Variants in WNT7B observed in about 807,000 individuals in gnomAD.
The protein encoded by WNT7B is protein Wnt-7b.
Under a neutral mutation model 38.2 loss-of-function variants are expected in WNT7B, and 19 were observed. The observed-to-expected ratio is 0.50, with a 90% CI of 0.35 to 0.73. The LOEUF (loss-of-function observed/expected upper bound fraction) is 0.73, where lower values mean the gene tolerates loss of function less well. Among genes scored for constraint, WNT7B ranks in the 30% least tolerant of loss-of-function variants. WNT7B has a pLI of 0.01. For synonymous variants in WNT7B, 243 were observed against 209.3 expected (o/e 1.16, Z -1.39); for missense variants, 423 against 507.9 (o/e 0.83, Z 1.61).
At position 45,975,559 on chromosome 22, in the gene WNT7B, G is replaced by C; in HGVS notation, c.71+1125C>G. ...AGTTTCTCCACCTGTAAAATGGCGG[G>C]GCAGACATGGGATGGAGGGTGATGG... On this transcript the variant is annotated intron_variant, in intron 1 of 3. Transcript: ENST00000339464. The surrounding 1 kb of genome is among the most constrained non-coding windows in gnomAD (Gnocchi z 6.6). The C allele has an allele frequency of 2.8e-6, 2 of 717,072 alleles. No individual in the cohort carries two copies. Among genetic ancestry groups the C allele is most frequent in the Non-Finnish European group, 5.2e-6 (2 of 384,844 alleles). The allele number at this position is 717,072 out of a possible 1,614,324, so 44.4% of individuals were successfully genotyped here. A position where few individuals can be genotyped will look rare whatever the true frequency, so the allele number is the denominator to read the frequency against.
At position 45,977,134 on chromosome 22, in the gene WNT7B, C is replaced by T; in HGVS notation, c.-380G>A. On this transcript the variant is annotated 5_prime_UTR_variant, in exon 1 of 4. Coordinates refer to ENST00000339464, the MANE Select transcript of WNT7B (RefSeq NM_058238.3). ...CCGAGCGCCGCGGCGGCCAATGTGT[C>T]CGCACTTGTCGGCCGCCCCAGGTGA... 1.8e-6 allele frequency: 1 copy of T among 567,882 alleles called. No homozygotes were observed. 35.2% of individuals were successfully genotyped at this position (567,882 alleles called of 1,614,324 possible).
At chr22:45,968,209 A>T (rs890723874) in intron 1 of WNT7B, among the ~76,000 whole-genome samples, 8 of 151,868 alleles carry the variant, frequency 5.3e-5, no homozygotes, top group South Asian at 2.1e-4. Flanking sequence ...TCTGAGAGTC[A>T]TCTCCTCTGG....
At chr22:45,953,639 C>T (rs181416755) in intron 1 of WNT7B, among the ~76,000 whole-genome samples, 52 of 151,470 alleles carry the variant, frequency 3.4e-4, no homozygotes, top group Middle Eastern at 3.4e-3. Context: ...CTGGAGAAGA[C>T]GCTCAACCTC....
intron 2 of WNT7B, among the ~76,000 whole-genome samples, chr22:45,931,719 C>A (rs940622731): frequency 1.3e-5 from 2 of 152,296 alleles, no homozygotes; most frequent in East Asian, 3.9e-4. Context: ...GTTTCTCCAG[C>A]CCTGAGAGTG....
chr22:45,925,279 C>T, intron 3 of WNT7B: 1 of 985,320 alleles, frequency 1.0e-6, no homozygotes, highest in Non-Finnish European at 1.2e-6. Context: ...GCCGGGTGGG[C>T]CCTAGGCTGG....
intron 1 of WNT7B, chr22:45,972,228 G>A: frequency 1.5e-6 from 1 of 645,232 alleles, no homozygotes; most frequent in Non-Finnish European, 2.8e-6. Context: ...CGCGGCGACA[G>A]TAGAAGCATG....
At chr22:45,949,806 G>T in intron 2 of WNT7B, 114 bp downstream of exon 2, 1 of 1,013,764 alleles carries the variant, frequency 9.9e-7, no homozygotes, top group Non-Finnish European at 1.4e-6. Flanking sequence ...CAAAGAAATT[G>T]GCCCCCCAGG....
chr22:45,930,901 T>G (rs1331232916), intron 3 of WNT7B, among the ~76,000 whole-genome samples, 197 bp downstream of exon 3: 3 of 152,028 alleles, frequency 2.0e-5, no homozygotes, highest in Non-Finnish European at 4.4e-5. Flanking sequence ...GGCTCTCACA[T>G]CTCTGGATGG....
At chr22:45,929,372 C>A (rs566226016) in intron 3 of WNT7B, among the ~76,000 whole-genome samples, 20 of 151,246 alleles carry the variant, frequency 1.3e-4, no homozygotes, top group Middle Eastern at 3.4e-3. Flanking sequence ...ATCTATTCAC[C>A]CATCCACCCA....
Position 45,922,444 on chromosome 22 carries a change from GC to G in WNT7B, c.*411del. On this transcript the variant is annotated 3_prime_UTR_variant, in exon 4 of 4. Coordinates refer to ENST00000339464, the MANE Select transcript of WNT7B (RefSeq NM_058238.3). The stretch of plus-strand genomic sequence containing the variant: ...CCTGGGAACTGGTCTGGAGAGGCCA[GC>G]CGGCGTAGCTTTTCTGTGTCCATGC... 1 of 193,430 alleles carries G rather than the reference GC, an allele frequency of 5.2e-6. No individual in the cohort carries two copies. The highest frequency in any genetic ancestry group is 1.4e-4 in the South Asian group (1 of 7,028). The allele number at this position is 193,430 out of a possible 1,614,324, so 12.0% of individuals were successfully genotyped here.
At chr22:45,929,948 C>G (rs73888713) in intron 3 of WNT7B, among the ~76,000 whole-genome samples, 26,219 of 149,578 alleles carry the variant, frequency 0.18, 2,433 homozygotes, top group Middle Eastern at 0.26. Context: ...ATCCTTCCAT[C>G]CATCCACTCA....
At chr22:45,931,465 G>A (rs1931357140) in intron 2 of WNT7B, 96 bp from the exon 3 acceptor site, 7 of 1,392,326 alleles carry the variant, frequency 5.0e-6, no homozygotes, top group Non-Finnish European at 6.6e-6. Flanking sequence ...CCTGCTGTTG[G>A]CTGGTTGTGT....
In WNT7B at chr22:45,951,173, G is replaced by C. The variant is rs1931924467; in HGVS notation, c.72-1027C>G. 6.6e-6 allele frequency among the ~76,000 whole-genome samples: 1 copy of C among 152,172 alleles called. No individual in the cohort carries two copies. The highest frequency in any genetic ancestry group is 1.5e-5 in the Non-Finnish European group (1 of 68,030). Reference sequence around the variant, plus strand: ...GCTCACTGCAACCTCCACATTCCGGGTTCAAGCCATCCTTTTGCCTTAGCC... The same window carrying C: ...GCTCACTGCAACCTCCACATTCCGGCTTCAAGCCATCCTTTTGCCTTAGCC... On this transcript the variant is annotated intron_variant, in intron 1 of 3. Coordinates refer to ENST00000339464, the MANE Select transcript of WNT7B (RefSeq NM_058238.3). The surrounding 1 kb of genome is among the most constrained non-coding windows in gnomAD (Gnocchi z 4.8).
chr22:45,958,479 C>T (rs984061515), intron 1 of WNT7B, among the ~76,000 whole-genome samples: 6 of 152,326 alleles, frequency 3.9e-5, no homozygotes, highest in East Asian at 1.9e-4. Context: ...CTCATGCTGT[C>T]GGGGTCTTCA....
intron 3 of WNT7B, among the ~76,000 whole-genome samples, chr22:45,930,698 C>T (rs781781340): frequency 6.6e-6 from 1 of 152,226 alleles, no homozygotes; most frequent in Non-Finnish European, 1.5e-5. Flanking sequence ...AAAAAGGCTG[C>T]CTCTGCCAGG....
intron 1 of WNT7B, among the ~76,000 whole-genome samples, chr22:45,956,949 T>C (rs1351825170): frequency 6.6e-6 from 1 of 151,938 alleles, no homozygotes; most frequent in African/African-American, 2.4e-5. Context: ...CTACTAAAAA[T>C]ACAAAAATTA....
chr22:45,932,491 C>T (rs1931397248), intron 2 of WNT7B, among the ~76,000 whole-genome samples: 1 of 152,156 alleles, frequency 6.6e-6, no homozygotes, highest in East Asian at 1.9e-4. Flanking sequence ...GACACCCTCT[C>T]CCTGGTGAGC....
chr22:45,943,338 C>G (rs1229762879), intron 2 of WNT7B, among the ~76,000 whole-genome samples: 1 of 152,258 alleles, frequency 6.6e-6, no homozygotes, highest in Non-Finnish European at 1.5e-5. Flanking sequence ...GGTCCAAACA[C>G]GCCGGCGCCC....
chr22:45,947,885 C>T (rs948494827), intron 2 of WNT7B, among the ~76,000 whole-genome samples: 5 of 152,152 alleles, frequency 3.3e-5, no homozygotes, highest in Admixed American at 6.5e-5. Flanking sequence ...CTCCCAGGAT[C>T]GAGGAACAGG....
Sources: allele counts gnomAD v4.1 joint callset (sites outside exome capture counted in the v4.1 genomes callset), GRCh38; gene constraint gnomAD v4.1.1; non-coding constraint Gnocchi (gnomAD v3.1); transcripts MANE v1.5; gene names NCBI Gene and HGNC (gene_info 2026-07-23, HGNC 2026-07-21).